CLIP2: variants seen among roughly 807,000 people sequenced by gnomAD.
The protein encoded by CLIP2 is CAP-Gly domain-containing linker protein 2.
CLIP2 carries 41 observed loss-of-function variants against 111.7 expected under a neutral mutation model. The observed-to-expected ratio is 0.37, with a 90% confidence interval of 0.29 to 0.48. CLIP2 has a LOEUF of 0.48. Ranked by LOEUF, CLIP2 falls within the 20% of genes least tolerant of loss-of-function variation. The probability of loss-of-function intolerance (pLI) is 0.99; values close to 1 mark genes in which losing one functional copy is unlikely to be tolerated. For synonymous variants in CLIP2, 660 were observed against 644.2 expected, an observed-to-expected ratio of 1.02 and a Z score of -0.37; for missense variants, 1,160 against 1,422.1, an observed-to-expected ratio of 0.82 and a Z score of 2.96.
At chr7:74,354,047 T>TC (rs1554308053) in intron 4 of CLIP2, 43 bp downstream of exon 4, 1 of 1,576,298 alleles carries the variant, frequency 6.3e-7, no homozygotes, top group Admixed American at 1.7e-5. Flanking sequence ...GGGGCTCCTC[T>TC]CCCCAGGGTG....
At chr7:74,294,333 A>G (rs56054217) in intron 1 of CLIP2, among the ~76,000 whole-genome samples, 35,575 of 152,212 alleles carry the variant, frequency 0.23, 5,575 homozygotes, top group African/African-American at 0.45. Context: ...ATGCTTCAAA[A>G]TGTTAATGAA....
intron 9 of CLIP2, among the ~76,000 whole-genome samples, chr7:74,373,499 AAAAC>A (rs1372375708): frequency 1.3e-5 from 2 of 152,172 alleles, no homozygotes; most frequent in African/African-American, 2.4e-5. Flanking sequence ...CTCCGCCTCA[AAAAC>A]AAAACAAAAA....
intron 2 of CLIP2, among the ~76,000 whole-genome samples, chr7:74,320,478 C>T (rs1554729869): frequency 1.3e-5 from 2 of 152,126 alleles, no homozygotes; most frequent in African/African-American, 4.8e-5. Context: ...GTTTTGATCA[C>T]ACCACTGCAC....
intron 8 of CLIP2, among the ~76,000 whole-genome samples, chr7:74,365,844 TC>T (rs1265967780): frequency 2.0e-5 from 3 of 152,116 alleles, no homozygotes; most frequent in Admixed American, 2.0e-4. Context: ...AGCCTCCACT[TC>T]CTGGGCTCAA....
At chr7:74,324,154 G>A (rs1056064596) in intron 2 of CLIP2, among the ~76,000 whole-genome samples, 2 of 152,038 alleles carry the variant, frequency 1.3e-5, no homozygotes, top group South Asian at 2.1e-4. Context: ...CACCATGCCC[G>A]GCTAATTTTG....
intron 2 of CLIP2, among the ~76,000 whole-genome samples, chr7:74,336,890 G>GTTTTTTTTTTTTTT (rs57582472): frequency 8.2e-6 from 1 of 121,662 alleles, no homozygotes; most frequent in Non-Finnish European, 1.7e-5. Flanking sequence ...TTTTTGTTTT[G>GTTTTTTTTTTTTTT]TTTTTTTTTT....
chr7:74,357,334 C>G lies in CLIP2; in HGVS notation c.1072C>G (p.Gln358Glu). ...CAAGATCTCGGGCACCACGGCCTTG[C>G]AGGAGGCACTGAAGGAGAAGCAGCA... is the stretch of plus-strand genomic sequence containing the variant. ...ARKISGTTAL[Q>E]EALKEKQQHI... The change falls in exon 6 of 17, where the codon CAG (glutamine) becomes GAG (glutamate). Residue 358 changes from glutamine (Q) to glutamate (E), a missense_variant. Coordinates refer to ENST00000223398, the MANE Select transcript of CLIP2 (RefSeq NM_003388.5). 6.2e-7 allele frequency: 1 copy of G among 1,614,144 alleles called. No individual in the cohort carries two copies. Among genetic ancestry groups the G allele is most frequent in the Non-Finnish European group, 8.5e-7 (1 of 1,180,002 alleles).
chr7:74,334,291 A>T (rs1046523727), intron 2 of CLIP2, among the ~76,000 whole-genome samples: 1 of 152,144 alleles, frequency 6.6e-6, no homozygotes, highest in African/African-American at 2.4e-5. Context: ...TCAGAGGAAG[A>T]ATGAAGCGAA....
At chr7:74,401,942 C>T (rs552951148) in intron 16 of CLIP2, among the ~76,000 whole-genome samples, 6 of 150,852 alleles carry the variant, frequency 4.0e-5, no homozygotes, top group Admixed American at 3.3e-4. Flanking sequence ...GACAATATAG[C>T]GAGACCCTCT....
intron 7 of CLIP2, among the ~76,000 whole-genome samples, chr7:74,360,479 G>T (rs1215206469): frequency 6.6e-6 from 1 of 152,156 alleles, no homozygotes; most frequent in Non-Finnish European, 1.5e-5. Context: ...GTCTTCTGCA[G>T]GCAGTTGGGA....
In CLIP2 at chr7:74,364,342, G is replaced by A. The variant is rs1790415928; in HGVS notation, c.1380+27G>A. The A allele has an allele frequency of 1.9e-6, 3 of 1,596,978 alleles. No homozygotes were observed. In the East Asian group the frequency reaches 6.7e-5, roughly 36 times the overall value. The stretch of plus-strand genomic sequence containing the variant: ...TAACAGTCAGAGGCCCCTTCCCTGG[G>A]CACACTTAGCACCGGTGCCTGGCCC... On this transcript the variant is annotated intron_variant, in intron 8 of 16. Coordinates refer to ENST00000223398, the MANE Select transcript of CLIP2 (RefSeq NM_003388.5).
rs544194275 is a variant in CLIP2 at position 74,329,587 on chromosome 7, T to C, written c.122-8861T>C. Among the ~76,000 whole-genome samples, 6 of 152,126 alleles carry C rather than the reference T, an allele frequency of 3.9e-5. No individual in the cohort carries two copies. In the East Asian group the frequency reaches 1.2e-3, roughly 29 times the overall value. ...TTTGTTTGTTTGTTTGTTTTCATAATACCTAGGAACAGCCTGTGGAGCTAT... is the reference window on the plus strand; with the variant it reads ...TTTGTTTGTTTGTTTGTTTTCATAACACCTAGGAACAGCCTGTGGAGCTAT... On this transcript the variant is annotated intron_variant, in intron 2 of 16. Coordinates refer to ENST00000223398, the MANE Select transcript of CLIP2 (RefSeq NM_003388.5).
intron 3 of CLIP2, among the ~76,000 whole-genome samples, chr7:74,339,289 C>G (rs1157526770): frequency 7.6e-6 from 1 of 131,312 alleles, no homozygotes; most frequent in African/African-American, 2.6e-5. Flanking sequence ...TATTTATTTA[C>G]TTATTTTACT....
In CLIP2 at chr7:74,397,459, G is replaced by A. The variant is rs564453038; in HGVS notation, c.2880+226G>A. ...CCTATGTGGCAGTCTGTGTGATACG[G>A]TGCAAAGGAAAACTTCCTATCTGAC... On this transcript the variant is annotated intron_variant, in intron 14 of 16. Coordinates refer to ENST00000223398, the MANE Select transcript of CLIP2 (RefSeq NM_003388.5). 7.9e-5 allele frequency among the ~76,000 whole-genome samples: 12 copies of A among 152,142 alleles called. No homozygotes were observed. The South Asian group carries it at 2.3e-3, about 29-fold the overall frequency.
chr7:74,324,819 A>G (rs782184954), intron 2 of CLIP2, among the ~76,000 whole-genome samples: 15 of 25,442 alleles, frequency 5.9e-4, no homozygotes, highest in Admixed American at 1.9e-3. Flanking sequence ...AGATCTTGAG[A>G]AAAAAAAAAA....
chr7:74,365,986 G>T (rs1333176827), intron 8 of CLIP2, among the ~76,000 whole-genome samples: 1 of 151,882 alleles, frequency 6.6e-6, no homozygotes, highest in African/African-American at 2.4e-5. Flanking sequence ...TCGCTATGTT[G>T]CCCAAGTGGG....
In CLIP2 at chr7:74,376,781, C is replaced by T; in HGVS notation, c.2380C>T (p.Leu794Phe). ...GAAGCTCCTGGTGGCTGAGAACAGA[C>T]TCCAGGCGGTCGAGGCCCTGTGCTC... ...REKLLVAENR[L>F]QAVEALCSSQ... Residue 794 changes from leucine to phenylalanine, a missense_variant, in exon 10 of 17, where the codon CTC becomes TTC. Around this residue, in one of 5 missense-constraint regions of CLIP2, gnomAD observed 676 missense variants for 777.8 expected, o/e 0.87. Transcript: ENST00000223398. The surrounding 1 kb of genome is among the most constrained non-coding windows in gnomAD (Gnocchi z 7.1). 6.2e-7 allele frequency: 1 copy of T among 1,609,800 alleles called. No individual in the cohort carries two copies. Among genetic ancestry groups the T allele is most frequent in the Non-Finnish European group, 8.5e-7 (1 of 1,178,770 alleles).
intron 2 of CLIP2, among the ~76,000 whole-genome samples, chr7:74,330,129 A>C (rs1252962599): frequency 6.7e-6 from 1 of 148,708 alleles, no homozygotes; most frequent in Non-Finnish European, 1.5e-5. Context: ...AGATCTCTCT[A>C]TGTTGCCCAG....
chr7:74,351,133 A>AAG (rs139848360), intron 3 of CLIP2, among the ~76,000 whole-genome samples: 26,539 of 147,638 alleles, frequency 0.18, 2,746 homozygotes, highest in Non-Finnish European at 0.24. Context: ...GAGAGAAAGA[A>AAG]AGAGAGAGAG....
Sources: gnomAD v4.1 joint callset for allele counts (sites outside exome capture counted in the v4.1 genomes callset) on GRCh38, gnomAD v4.1.1 for gene constraint, gnomAD v4.1.1 regional missense constraint, Gnocchi (gnomAD v3.1) non-coding constraint, MANE v1.5 for transcripts, NCBI Gene and HGNC (gene_info 2026-07-23, HGNC 2026-07-21) for gene names.